FAM114A2: variants seen among roughly 807,000 people sequenced by gnomAD.
FAM114A2 encodes family with sequence similarity 114 member A2, also known as protein FAM114A2.
A neutral mutation model predicts 58.4 loss-of-function variants in FAM114A2; 53 were observed. The observed-to-expected ratio is 0.91, with a 90% CI of 0.73 to 1.14. The LOEUF (loss-of-function observed/expected upper bound fraction) is 1.14. Among genes scored for constraint, FAM114A2 ranks in the 50% most tolerant of loss-of-function variants. The pLI is 0.00. For missense variants in FAM114A2, 601 were observed against 581.1 expected (o/e 1.03, Z -0.35); for synonymous variants, 228 against 211.4 (o/e 1.08, Z -0.68).
chr5:154,028,284 C>G lies in FAM114A2; in HGVS notation c.496-1G>C. The G allele has an allele frequency of 6.3e-7, 1 of 1,585,402 alleles. No individual in the cohort carries two copies. On this transcript the variant is annotated splice_acceptor_variant, in intron 5 of 13. Coordinates refer to ENST00000351797, the MANE Select transcript of FAM114A2 (RefSeq NM_018691.4). LOFTEE classifies it high-confidence loss of function. ...AACCCCCACTTATAACACTCTTTCC[C>G]TAGAAAATACATGCAACCTCATTAC...
chr5:154,024,303 TATAA>T (rs1292098432), intron 8 of FAM114A2, among the ~76,000 whole-genome samples: 7 of 152,156 alleles, frequency 4.6e-5, no homozygotes, highest in Non-Finnish European at 1.0e-4. Flanking sequence ...TATAAAAAGT[TATAA>T]ATATTTATAT....
intron 12 of FAM114A2, chr5:153,995,253 C>A: frequency 7.3e-6 from 2 of 274,530 alleles, no homozygotes; most frequent in South Asian, 1.1e-4. Flanking sequence ...AACCTTAGAA[C>A]CATTTTAAAA....
In FAM114A2 at chr5:154,002,342, A is replaced by T. The variant is rs1316468754; in HGVS notation, c.1165T>A (p.Ser389Thr). Residue 389 changes from serine to threonine, a missense_variant, in exon 11 of 14, where the codon TCA (serine) becomes ACA (threonine). Transcript: ENST00000351797. ...IRSLAELTAC[S>T]IELFHKTAAL... ...GCTGTTTTGTGGAATAGTTCAATTG[A>T]GCAGGCAGTCAGTTCAGCCAGGCTC... The T allele has an allele frequency of 6.2e-7, 1 of 1,614,048 alleles. No homozygotes were observed. Among genetic ancestry groups the T allele is most frequent in the Non-Finnish European group, 8.5e-7 (1 of 1,179,912 alleles).
chr5:154,034,336 A>G lies in FAM114A2; in HGVS notation c.252T>C (p.Tyr84=), dbSNP rs760673482. The change falls in exon 3 of 14, where the codon TAT becomes TAC. Residue 84 remains tyrosine, a synonymous_variant. Coordinates refer to ENST00000351797, the MANE Select transcript of FAM114A2 (RefSeq NM_018691.4). ...GTATGGACTTGCCCCAGCTCCCCCA[A>G]TAACCCCATCTGGTCTGGGGTACAT... ...SKDVPQTRWG[Y]WGSWGKSILS... The G allele has an allele frequency of 1.2e-5, 19 of 1,601,576 alleles. No individual in the cohort carries two copies. The highest frequency in any genetic ancestry group is 1.0e-4 in the South Asian group (9 of 89,210).
chr5:154,007,075 G>A (rs551500555), intron 9 of FAM114A2, among the ~76,000 whole-genome samples: 8 of 152,164 alleles, frequency 5.3e-5, no homozygotes, highest in East Asian at 3.9e-4. Flanking sequence ...GATTACAGGC[G>A]TGAGCCACCG....
Position 154,021,691 on chromosome 5 carries a change from A to G in FAM114A2, c.913+4708T>C, listed in dbSNP as rs183888735. Among the ~76,000 whole-genome samples, 1,025 of 152,332 alleles carry G rather than the reference A, an allele frequency of 6.7e-3. 8 individuals carry two copies. The highest frequency in any genetic ancestry group is 0.023 in the African/African-American group (972 of 41,572). The stretch of plus-strand genomic sequence containing the variant: ...GAACATTCCATGCTCATAGAGAGGA[A>G]GAATCAATATCGTGAAAATGGCCAT... On this transcript the variant is annotated intron_variant, in intron 8 of 13. Coordinates refer to ENST00000351797, the MANE Select transcript of FAM114A2 (RefSeq NM_018691.4).
intron 2 of FAM114A2, 88 bp downstream of exon 2, chr5:154,034,656 G>T: frequency 1.1e-6 from 1 of 917,568 alleles, no homozygotes; most frequent in Non-Finnish European, 1.8e-6. Context: ...ATTCTAAATT[G>T]GTATTTATGC....
intron 9 of FAM114A2, among the ~76,000 whole-genome samples, chr5:154,003,627 A>T (rs148421115): frequency 6.6e-6 from 1 of 152,312 alleles, no homozygotes; most frequent in Non-Finnish European, 1.5e-5. Context: ...AGGTCCCTTC[A>T]TGTCCCTTCC....
At chr5:154,036,184 C>G (rs541020053) in intron 1 of FAM114A2, 1 of 152,110 alleles carries the variant, frequency 6.6e-6, no homozygotes, top group Non-Finnish European at 1.5e-5. Flanking sequence ...TATAATTTAT[C>G]AATTTTTCCT....
At chr5:154,036,906 G>C (rs192636032) in intron 1 of FAM114A2, 1 of 152,264 alleles carries the variant, frequency 6.6e-6, no homozygotes, top group Admixed American at 6.5e-5. Flanking sequence ...AAAAGATCTA[G>C]CAACACCGGG....
chr5:154,022,511 T>C (rs1420573197), intron 8 of FAM114A2, among the ~76,000 whole-genome samples: 2 of 152,224 alleles, frequency 1.3e-5, no homozygotes, highest in Non-Finnish European at 2.9e-5. Context: ...AAGACATGTA[T>C]GCAGCCAATA....
At chr5:154,012,043 C>A (rs780751018) in intron 8 of FAM114A2, among the ~76,000 whole-genome samples, 2 of 152,104 alleles carry the variant, frequency 1.3e-5, no homozygotes, top group South Asian at 4.1e-4. Context: ...AGAAAGATCA[C>A]TTTGGTGGCT....
At chr5:153,996,455 A>C (rs140338917) in intron 12 of FAM114A2, among the ~76,000 whole-genome samples, 312 of 152,282 alleles carry the variant, frequency 2.0e-3, no homozygotes, top group African/African-American at 7.0e-3. Context: ...AGAAGAAAAC[A>C]GAGGAGTAAA....
At chr5:154,028,347 T>C in intron 5 of FAM114A2, 64 bp from the exon 6 acceptor site, 1 of 1,132,994 alleles carries the variant, frequency 8.8e-7, no homozygotes, top group Non-Finnish European at 1.3e-6. Context: ...GCATTTTTAT[T>C]ATGTATTTAT....
At chr5:154,015,401 G>A (rs557068962) in intron 8 of FAM114A2, among the ~76,000 whole-genome samples, 78 of 152,202 alleles carry the variant, frequency 5.1e-4, no homozygotes, top group African/African-American at 1.7e-3. Flanking sequence ...AGCAAAACAG[G>A]TGCGGGTATC....
chr5:154,012,947 AG>A (rs757016383), intron 8 of FAM114A2, among the ~76,000 whole-genome samples: 1 of 151,868 alleles, frequency 6.6e-6, no homozygotes, highest in Non-Finnish European at 1.5e-5. Context: ...ATTCTATTTT[AG>A]GGTATATTTT....
intron 11 of FAM114A2, among the ~76,000 whole-genome samples, chr5:154,000,000 TA>T (rs1191978203): frequency 6.6e-6 from 1 of 152,266 alleles, no homozygotes; most frequent in East Asian, 1.9e-4. Context: ...CACACACATA[TA>T]ATGGAATACT....
chr5:153,990,671 G>A lies in FAM114A2; in HGVS notation c.*2305C>T, dbSNP rs546224229. On this transcript the variant is annotated 3_prime_UTR_variant, in exon 14 of 14. Coordinates refer to ENST00000351797, the MANE Select transcript of FAM114A2 (RefSeq NM_018691.4). ...ATCACAGCCTTTTAAAATCTCAATA[G>A]TAGGAAAAGACACATTTACCCTAGC... is the stretch of plus-strand genomic sequence containing the variant. 1.3e-5 allele frequency: 2 copies of A among 152,116 alleles called. No homozygotes were observed. Among genetic ancestry groups the A allele is most frequent in the South Asian group, 4.1e-4 (2 of 4,820 alleles). The allele number at this position is 152,116 out of a possible 1,614,324, so 9.4% of individuals were successfully genotyped here.
chr5:154,028,908 C>A (rs1771986790), intron 5 of FAM114A2, among the ~76,000 whole-genome samples: 1 of 152,034 alleles, frequency 6.6e-6, no homozygotes, highest in Non-Finnish European at 1.5e-5. Flanking sequence ...GTGGGGAGAT[C>A]TGATTACGGT....
Sources: allele counts gnomAD v4.1 joint callset (sites outside exome capture counted in the v4.1 genomes callset), GRCh38; gene constraint gnomAD v4.1.1; transcripts MANE v1.5; gene names NCBI Gene and HGNC (gene_info 2026-07-23, HGNC 2026-07-21).